The following KLF8 variants were observed in gnomAD, a reference collection of about 807,000 sequenced individuals.
KLF8 encodes KLF transcription factor 8.
Under a neutral mutation model 18.2 loss-of-function variants are expected in KLF8, and 10 were observed. The ratio of observed to expected loss-of-function variants is 0.55; its 90% CI spans 0.34 to 0.93. The LOEUF (loss-of-function observed/expected upper bound fraction) is 0.93, where lower values mean the gene tolerates loss of function less well. Among genes scored for constraint, KLF8 ranks in the 40% least tolerant of loss-of-function variants. The pLI, the probability that KLF8 is intolerant of heterozygous loss-of-function variation, is 0.02. For missense variants in KLF8, 264 were observed against 277.9 expected, an observed-to-expected ratio of 0.95 and a Z score of 0.36; for synonymous variants, 109 against 97.3, an observed-to-expected ratio of 1.12 and a Z score of -0.71.
At chrX:56,066,905 G>A in the KLF8 span, among the ~76,000 whole-genome samples, 2 of 109,621 alleles carry the variant, frequency 1.8e-5, no homozygotes, top group African/African-American at 6.6e-5. Flanking sequence ...GGCCTACAAG[G>A]GCCAAGGGGC....
chrX:56,149,995 A>G, the KLF8 span, among the ~76,000 whole-genome samples: 10 of 112,116 alleles, frequency 8.9e-5, no homozygotes, highest in Non-Finnish European at 1.9e-4. Context: ...TGTATTGTTA[A>G]GCACTGGGTT....
the KLF8 span, chrX:55,908,680 T>A: frequency 3.5e-6 from 1 of 283,861 alleles, no homozygotes; most frequent in Non-Finnish European, 6.2e-6. Context: ...TTCACTCAAC[T>A]ACGTGTGTAG....
the KLF8 span, among the ~76,000 whole-genome samples, chrX:55,990,363 CT>C: frequency 4.5e-5 from 5 of 112,307 alleles, no homozygotes; most frequent in Non-Finnish European, 9.4e-5. Context: ...CCTCTACACA[CT>C]GCTTTGAATG....
At chrX:56,160,460 C>T in the KLF8 span, among the ~76,000 whole-genome samples, 4 of 111,106 alleles carry the variant, frequency 3.6e-5, no homozygotes, top group Non-Finnish European at 5.7e-5. Flanking sequence ...CTTTCTGTCT[C>T]GTTGATCTGT....
chrX:55,932,565 G>A, the KLF8 span, among the ~76,000 whole-genome samples: 320 of 111,560 alleles, frequency 2.9e-3, 1 homozygote, highest in African/African-American at 0.01. Flanking sequence ...CAGGCCTGGT[G>A]GTGACAAAAT....
the KLF8 span, among the ~76,000 whole-genome samples, chrX:55,925,584 A>T: frequency 1.8e-5 from 2 of 111,738 alleles, no homozygotes; most frequent in Non-Finnish European, 3.8e-5. Flanking sequence ...GGTGAGGCCC[A>T]TAAAGAAATA....
the KLF8 span, among the ~76,000 whole-genome samples, chrX:56,043,265 C>G: frequency 9.1e-6 from 1 of 109,307 alleles, no homozygotes; most frequent in Non-Finnish European, 1.9e-5. Context: ...TCATTATGAC[C>G]TTGGAGAATT....
the KLF8 span, among the ~76,000 whole-genome samples, chrX:56,100,244 C>T: frequency 1.8e-5 from 2 of 110,837 alleles, no homozygotes; most frequent in South Asian, 7.7e-4. Flanking sequence ...TATCTGTTTA[C>T]AGCATAGTTT....
At chrX:56,226,214 C>G in the KLF8 span, among the ~76,000 whole-genome samples, 4 of 112,058 alleles carry the variant, frequency 3.6e-5, no homozygotes, top group Non-Finnish European at 7.5e-5. Context: ...TCCTCTAGAT[C>G]TAGGTGTCTA....
the KLF8 span, among the ~76,000 whole-genome samples, chrX:55,978,417 A>G: frequency 6.2e-5 from 7 of 112,112 alleles, no homozygotes; most frequent in Non-Finnish European, 1.3e-4. Context: ...AATTTTGTGT[A>G]TACTCGTTAT....
At chrX:55,958,274 C>T in the KLF8 span, among the ~76,000 whole-genome samples, 1 of 112,126 alleles carries the variant, frequency 8.9e-6, no homozygotes. Context: ...TCAGATGATG[C>T]TATGAGACTC....
At chrX:56,011,700 G>T in the KLF8 span, among the ~76,000 whole-genome samples, 2 of 110,849 alleles carry the variant, frequency 1.8e-5, no homozygotes, top group Non-Finnish European at 1.9e-5. Flanking sequence ...TTAAGAAATA[G>T]ACCACTAGTT....
chrX:56,162,751 C>T, the KLF8 span, among the ~76,000 whole-genome samples: 182 of 111,216 alleles, frequency 1.6e-3, no homozygotes, highest in Middle Eastern at 4.7e-3. Flanking sequence ...CTTCACCTCA[C>T]GCTCCGTATG....
chrX:56,047,585 G>T, the KLF8 span, among the ~76,000 whole-genome samples: 1 of 110,694 alleles, frequency 9.0e-6, no homozygotes, highest in African/African-American at 3.3e-5. Context: ...CCCCTACAAA[G>T]GACATGAACT....
chrX:56,266,129 G>T, intron 3 of KLF8: 2 of 768,479 alleles, frequency 2.6e-6, no homozygotes, highest in Admixed American at 7.6e-5. Flanking sequence ...CTTACTAAAG[G>T]CATCCACCCT....
chrX:56,179,761 G>A, the KLF8 span, among the ~76,000 whole-genome samples: 2 of 111,616 alleles, frequency 1.8e-5, no homozygotes, highest in African/African-American at 6.5e-5. Flanking sequence ...TGTGGTTTTT[G>A]TCTTTGCTTC....
the KLF8 span, among the ~76,000 whole-genome samples, chrX:56,091,582 C>A: frequency 9.1e-6 from 1 of 109,712 alleles, no homozygotes; most frequent in Non-Finnish European, 1.9e-5. Flanking sequence ...CTGCAACCTC[C>A]GCCTCTCAGG....
intron 5 of KLF8, among the ~76,000 whole-genome samples, chrX:56,273,463 C>A (rs1028668863): frequency 9.2e-6 from 1 of 108,650 alleles, no homozygotes; most frequent in South Asian, 4.1e-4. Flanking sequence ...TCCCCACTGC[C>A]CCCCGACCCA....
At chrX:55,927,441 G>A in the KLF8 span, among the ~76,000 whole-genome samples, 16 of 112,040 alleles carry the variant, frequency 1.4e-4, no homozygotes, top group Admixed American at 5.7e-4. Flanking sequence ...TTGAGACATG[G>A]TATATACATA....
Sources: allele counts gnomAD v4.1 joint callset (sites outside exome capture counted in the v4.1 genomes callset), GRCh38; gene constraint gnomAD v4.1.1; transcripts MANE v1.5; gene names NCBI Gene and HGNC (gene_info 2026-07-23, HGNC 2026-07-21).